The following CADPS variants were observed in gnomAD, a reference collection of about 807,000 sequenced individuals.
CADPS encodes calcium dependent secretion activator.
A neutral mutation model predicts 167.3 loss-of-function variants in CADPS; 57 were observed. The observed-to-expected ratio is 0.34, with a 90% confidence interval of 0.28 to 0.42. CADPS has a LOEUF of 0.42. Ranked by LOEUF, CADPS falls within the 20% of genes least tolerant of loss-of-function variation. CADPS has a pLI of 1.00. For synonymous variants in CADPS, 676 were observed against 635.3 expected, an observed-to-expected ratio of 1.06 and a Z score of -0.96; for missense variants, 1,414 against 1,738.1, an observed-to-expected ratio of 0.81 and a Z score of 3.32.
intron 23 of CADPS, among the ~76,000 whole-genome samples, chr3:62,475,597 A>AAC (rs2061196038): frequency 6.8e-6 from 1 of 146,332 alleles, no homozygotes; most frequent in Admixed American, 6.7e-5. Flanking sequence ...AAAAAAAAAA[A>AAC]AAAAAAAAAA....
chr3:62,811,186 C>A (rs772783282), intron 1 of CADPS, among the ~76,000 whole-genome samples: 1 of 152,094 alleles, frequency 6.6e-6, no homozygotes, highest in African/African-American at 2.4e-5. Context: ...AAATGCTCCA[C>A]AAGATTGTTA....
At chr3:62,748,553 A>G (rs2082043374) in intron 3 of CADPS, among the ~76,000 whole-genome samples, 1 of 152,098 alleles carries the variant, frequency 6.6e-6, no homozygotes, top group Non-Finnish European at 1.5e-5. Flanking sequence ...GAAGGTTACT[A>G]AAGGGAAAGG....
At chr3:62,580,547 G>A (rs182202926) in intron 8 of CADPS, among the ~76,000 whole-genome samples, 9 of 149,448 alleles carry the variant, frequency 6.0e-5, no homozygotes, top group Non-Finnish European at 1.3e-4. Context: ...TAACTAACCT[G>A]CACATTGTGC....
chr3:62,856,863 G>GT (rs2079792166), intron 1 of CADPS, among the ~76,000 whole-genome samples: 1 of 146,774 alleles, frequency 6.8e-6, no homozygotes, highest in South Asian at 2.2e-4. Flanking sequence ...AAATATAAAG[G>GT]TAAAAAAAAA....
intron 9 of CADPS, among the ~76,000 whole-genome samples, chr3:62,560,077 C>A (rs1255813280): frequency 6.6e-6 from 1 of 151,434 alleles, no homozygotes; most frequent in Non-Finnish European, 1.5e-5. Flanking sequence ...TCTCCACAAA[C>A]TGAATTGCTT....
At chr3:62,833,242 C>A (rs76268423) in intron 1 of CADPS, among the ~76,000 whole-genome samples, 7 of 152,168 alleles carry the variant, frequency 4.6e-5, no homozygotes, top group African/African-American at 1.2e-4. Context: ...GCAGCCTCAA[C>A]CTCCCCAGGA....
intron 24 of CADPS, among the ~76,000 whole-genome samples, chr3:62,469,862 G>A (rs2060383150): frequency 6.6e-6 from 1 of 152,144 alleles, no homozygotes; most frequent in South Asian, 2.1e-4. Context: ...TATCCTGAGG[G>A]AACTACTAAT....
intron 1 of CADPS, among the ~76,000 whole-genome samples, chr3:62,825,542 C>T (rs913723812): frequency 4.6e-5 from 7 of 152,074 alleles, no homozygotes; most frequent in African/African-American, 1.7e-4. Context: ...CTCAGAATAC[C>T]TTATGGAGTA....
intron 3 of CADPS, among the ~76,000 whole-genome samples, chr3:62,671,709 C>T (rs895306545): frequency 1.7e-4 from 26 of 152,228 alleles, no homozygotes; most frequent in African/African-American, 5.3e-4. Flanking sequence ...GTTGAGGCTG[C>T]ACCTGGACCA....
chr3:62,813,087 A>AT (rs995634514), intron 1 of CADPS, among the ~76,000 whole-genome samples: 2 of 152,078 alleles, frequency 1.3e-5, no homozygotes, highest in African/African-American at 2.4e-5. Flanking sequence ...TACCAAAGCC[A>AT]TTTTTTACAG....
chr3:62,865,385 TA>T (rs35780515), intron 1 of CADPS, among the ~76,000 whole-genome samples: 34,150 of 110,084 alleles, frequency 0.31, 4,343 homozygotes, highest in Admixed American at 0.32. Flanking sequence ...ACTTAAGGAT[TA>T]AAAAAAAAAA....
intron 12 of CADPS, among the ~76,000 whole-genome samples, chr3:62,534,262 T>G (rs924242472): frequency 6.6e-6 from 1 of 152,174 alleles, no homozygotes; most frequent in East Asian, 1.9e-4. Context: ...TTGCTCCATC[T>G]TGGGAGAGAA....
intron 1 of CADPS, among the ~76,000 whole-genome samples, chr3:62,869,228 A>T (rs1454207632): frequency 1.3e-5 from 2 of 151,930 alleles, no homozygotes; most frequent in Non-Finnish European, 2.9e-5. Flanking sequence ...CTTTCCCTTC[A>T]TCATCTAGCT....
Position 62,491,416 on chromosome 3 carries a change from T to G in CADPS, c.2949A>C (p.Arg983Ser). ...TTGAGGACTCCATCAGATCCACATATCTAACAACAAGTGGGGCAAACAGGT... is the reference window on the plus strand; with the variant it reads ...TTGAGGACTCCATCAGATCCACATAGCTAACAACAAGTGGGGCAAACAGGT... ...LQDLFAPLVV[R>S]YVDLMESSIA... The change falls in exon 21 of 30, where the codon AGA becomes AGC. Residue 983 changes from arginine (R) to serine (S), a missense_variant. This residue lies in a region of CADPS where 529 missense variants were observed against 629.6 expected (regional missense o/e 0.84). Coordinates refer to ENST00000383710, the MANE Select transcript of CADPS (RefSeq NM_003716.4). 6.2e-7 allele frequency: 1 copy of G among 1,614,100 alleles called. No homozygotes were observed. Among genetic ancestry groups the G allele is most frequent in the East Asian group, 2.2e-5 (1 of 44,878 alleles).
At chr3:62,590,673 A>C (rs953755267) in intron 7 of CADPS, among the ~76,000 whole-genome samples, 4 of 152,038 alleles carry the variant, frequency 2.6e-5, no homozygotes, top group Non-Finnish European at 4.4e-5. Flanking sequence ...AGCACAGGAG[A>C]TGAATTCTTG....
chr3:62,433,679 G>A lies in CADPS; in HGVS notation c.3777+4425C>T, dbSNP rs1459020148. ...GATGGCTTTTTAATCACTCATCTCC[G>A]AGCCTGTGAGGTTTAAGCAGATGAA... On this transcript the variant is annotated intron_variant, in intron 28 of 29. Transcript: ENST00000383710. This position sits in a 1 kb window ranked among gnomAD's most constrained non-coding sequence, Gnocchi z 4.7. 6.6e-6 allele frequency among the ~76,000 whole-genome samples: 1 copy of A among 152,094 alleles called. No individual in the cohort carries two copies. The highest frequency in any genetic ancestry group is 2.4e-5 in the African/African-American group (1 of 41,412).
intron 3 of CADPS, among the ~76,000 whole-genome samples, chr3:62,697,699 T>C (rs369709256): frequency 6.6e-6 from 1 of 152,160 alleles, no homozygotes; most frequent in African/African-American, 2.4e-5. Context: ...TCCGTAGTGG[T>C]TGCACTAGTT....
intron 3 of CADPS, among the ~76,000 whole-genome samples, chr3:62,711,217 AG>A (rs1437385220): frequency 6.6e-6 from 1 of 152,222 alleles, no homozygotes; most frequent in East Asian, 1.9e-4. Flanking sequence ...TTTTAATAAT[AG>A]GTATTTATTT....
intron 29 of CADPS, among the ~76,000 whole-genome samples, chr3:62,401,685 C>A (rs1039641955): frequency 6.6e-6 from 1 of 151,246 alleles, no homozygotes; most frequent in Non-Finnish European, 1.5e-5. Context: ...TGAAGGGGTT[C>A]CTTTGGCAGT....
Sources: allele counts gnomAD v4.1 joint callset (sites outside exome capture counted in the v4.1 genomes callset), GRCh38; gene constraint gnomAD v4.1.1; regional missense constraint gnomAD v4.1.1; non-coding constraint Gnocchi (gnomAD v3.1); transcripts MANE v1.5; gene names NCBI Gene and HGNC (gene_info 2026-07-23, HGNC 2026-07-21).